CNST: variants seen among roughly 807,000 people sequenced by gnomAD.
CNST encodes consortin, connexin sorting protein.
Under a neutral mutation model 72.4 loss-of-function variants are expected in CNST, and 39 were observed. The ratio of observed to expected loss-of-function variants is 0.54; its 90% CI spans 0.42 to 0.70. CNST has a LOEUF of 0.70. CNST is among the 30% of genes least tolerant of loss of function. The pLI is 0.00. For missense variants in CNST, 871 were observed against 868.5 expected (o/e 1.00, Z -0.04); for synonymous variants, 332 against 320.1 (o/e 1.04, Z -0.40).
chr1:246,616,608 G>T (rs1466661683), intron 2 of CNST, among the ~76,000 whole-genome samples: 4 of 151,954 alleles, frequency 2.6e-5, no homozygotes, highest in African/African-American at 7.2e-5. Context: ...AGGCTGGAGT[G>T]CAGTGGCCCA....
In CNST at chr1:246,647,393, A is replaced by C. The variant is rs1201882323; in HGVS notation, c.1192A>C (p.Ser398Arg). Residue 398 changes from serine (S) to arginine (R), a missense_variant, in exon 9 of 11, where the codon AGT becomes CGT. Ser to Arg is a moderately radical substitution (Grantham distance 110, BLOSUM62 -1). Coordinates refer to ENST00000366513, the MANE Select transcript of CNST (RefSeq NM_152609.3). ...TTCTGAGGATGCTTGTGAGGATGAC[A>C]GTCGCTTGCAGCTGGCTCAAACAGA... ...DSSEDACEDD[S>R]RLQLAQTEAC... The C allele has an allele frequency of 6.2e-7, 1 of 1,614,030 alleles. No individual in the cohort carries two copies. The highest frequency in any genetic ancestry group is 8.5e-7 in the Non-Finnish European group (1 of 1,180,030).
rs561258522 is a variant in CNST at position 246,645,567 on chromosome 1, A to G, written c.938-1572A>G. ...CTCAGCCTCCCGAGTAGCTGGGACTACAGGCGCCCGCCACCGCGCCCGGCT... is the reference window on the plus strand; with the variant it reads ...CTCAGCCTCCCGAGTAGCTGGGACTGCAGGCGCCCGCCACCGCGCCCGGCT... On this transcript the variant is annotated intron_variant, in intron 8 of 10. Coordinates refer to ENST00000366513, the MANE Select transcript of CNST (RefSeq NM_152609.3). Among the ~76,000 whole-genome samples, 88 of 151,660 alleles carry G rather than the reference A, an allele frequency of 5.8e-4. 1 individual carries two copies. Among genetic ancestry groups the G allele is most frequent in the African/African-American group, 2.1e-3 (85 of 41,400 alleles).
Position 246,667,101 on chromosome 1 carries a change from G to A in CNST, c.*1196G>A, listed in dbSNP as rs187926057. ...AGTGGTCTAACATTTAGGAAGCCTT[G>A]CTTTGACTTTATCGGGCAGCATTAA... is the stretch of plus-strand genomic sequence containing the variant. On this transcript the variant is annotated 3_prime_UTR_variant, in exon 11 of 11. Transcript: ENST00000366513. 1.1e-4 allele frequency: 16 copies of A among 151,802 alleles called. No individual in the cohort carries two copies. Among genetic ancestry groups the A allele is most frequent in the Admixed American group, 9.9e-4 (15 of 15,222 alleles). 9.4% of individuals were successfully genotyped at this position (151,802 alleles called of 1,614,324 possible). A position where few individuals can be genotyped will look rare whatever the true frequency, so the allele number is the denominator to read the frequency against.
intron 2 of CNST, among the ~76,000 whole-genome samples, chr1:246,608,995 G>A (rs1663119044): frequency 6.6e-6 from 1 of 152,214 alleles, no homozygotes; most frequent in South Asian, 2.1e-4. Context: ...TAGGTTAACA[G>A]GGCAGCTGGA....
intron 2 of CNST, among the ~76,000 whole-genome samples, chr1:246,616,058 A>G (rs929641189): frequency 2.0e-5 from 3 of 152,186 alleles, no homozygotes; most frequent in African/African-American, 4.8e-5. Flanking sequence ...GTTTTTAACT[A>G]TAGGTCACTT....
In CNST at chr1:246,644,692, C is replaced by T. The variant is rs1665935949; in HGVS notation, c.938-2447C>T. ...GACCCTCAGGTGGAAGCAACACACC[C>T]CAGTCCTCTGATGTGGGGGTTCTCT... On this transcript the variant is annotated intron_variant, in intron 8 of 10. Coordinates refer to ENST00000366513, the MANE Select transcript of CNST (RefSeq NM_152609.3). 2.0e-5 allele frequency among the ~76,000 whole-genome samples: 3 copies of T among 152,198 alleles called. No individual in the cohort carries two copies. In the South Asian group the frequency reaches 6.2e-4, roughly 32 times the overall value.
chr1:246,575,675 A>G (rs1219334103), intron 1 of CNST, among the ~76,000 whole-genome samples: 1 of 150,846 alleles, frequency 6.6e-6, no homozygotes, highest in Admixed American at 6.6e-5. Context: ...CAATTTGTGA[A>G]TACTAAAAGC....
intron 1 of CNST, among the ~76,000 whole-genome samples, chr1:246,585,666 T>C (rs12116423): frequency 0.014 from 1,419 of 101,528 alleles, 22 homozygotes; most frequent in South Asian, 0.028. Context: ...AAAAAAAATA[T>C]ACACACACAC....
intron 1 of CNST, among the ~76,000 whole-genome samples, chr1:246,573,670 C>T (rs749363215): frequency 2.6e-5 from 4 of 152,168 alleles, no homozygotes; most frequent in South Asian, 4.1e-4. Flanking sequence ...AGAACAGCTG[C>T]GAGTGCAAAA....
chr1:246,568,420 T>C (rs1249370316), intron 1 of CNST, among the ~76,000 whole-genome samples: 2 of 152,210 alleles, frequency 1.3e-5, no homozygotes, highest in Non-Finnish European at 2.9e-5. Context: ...TTTTTGTACA[T>C]CTTATTTTTT....
At chr1:246,653,514 G>A (rs1666604595) in intron 9 of CNST, among the ~76,000 whole-genome samples, 1 of 152,220 alleles carries the variant, frequency 6.6e-6, no homozygotes, top group African/African-American at 2.4e-5. Flanking sequence ...AAGAAATGCA[G>A]TCTTCCAATA....
At chr1:246,646,107 A>C (rs1035850294) in intron 8 of CNST, among the ~76,000 whole-genome samples, 1 of 151,718 alleles carries the variant, frequency 6.6e-6, no homozygotes, top group Non-Finnish European at 1.5e-5. Context: ...GTGAAACCCC[A>C]TCTCTACTAA....
chr1:246,655,940 C>G (rs1204491114), intron 9 of CNST, among the ~76,000 whole-genome samples: 1 of 152,116 alleles, frequency 6.6e-6, no homozygotes, highest in Non-Finnish European at 1.5e-5. Flanking sequence ...TATTATGGAA[C>G]CCAACACTAA....
At chr1:246,654,121 C>T (rs1199357434) in intron 9 of CNST, among the ~76,000 whole-genome samples, 1 of 152,182 alleles carries the variant, frequency 6.6e-6, no homozygotes, top group East Asian at 1.9e-4. Flanking sequence ...GGCTGTACTA[C>T]TCGACATTCA....
At chr1:246,614,629 G>A (rs1215589278) in intron 2 of CNST, among the ~76,000 whole-genome samples, 5 of 151,562 alleles carry the variant, frequency 3.3e-5, no homozygotes, top group African/African-American at 9.7e-5. Flanking sequence ...GCGCCGCCAC[G>A]CCCAGCTAAT....
chr1:246,599,551 C>T (rs1404276138), intron 2 of CNST, among the ~76,000 whole-genome samples: 2 of 152,172 alleles, frequency 1.3e-5, no homozygotes, highest in Non-Finnish European at 1.5e-5. Flanking sequence ...CTCTCTTCCA[C>T]GTTTAAGGTC....
chr1:246,645,382 T>G (rs1665978924), intron 8 of CNST, among the ~76,000 whole-genome samples: 1 of 152,094 alleles, frequency 6.6e-6, no homozygotes, highest in Non-Finnish European at 1.5e-5. Context: ...TGGCTCATTA[T>G]TTATTTAAGT....
intron 9 of CNST, among the ~76,000 whole-genome samples, chr1:246,648,783 G>A (rs989973424): frequency 6.6e-6 from 1 of 152,100 alleles, no homozygotes; most frequent in African/African-American, 2.4e-5. Flanking sequence ...TAGGATACTA[G>A]CTGCCTTTCC....
At chr1:246,593,347 G>A (rs1469104763) in intron 2 of CNST, among the ~76,000 whole-genome samples, 3 of 147,196 alleles carry the variant, frequency 2.0e-5, no homozygotes, top group African/African-American at 5.0e-5. Flanking sequence ...TTTTTGAGGC[G>A]AGTCTCACTC....
Sources: allele counts gnomAD v4.1 joint callset (sites outside exome capture counted in the v4.1 genomes callset), GRCh38; gene constraint gnomAD v4.1.1; transcripts MANE v1.5; gene names NCBI Gene and HGNC (gene_info 2026-07-23, HGNC 2026-07-21).